The following NPEPPS variants were observed in gnomAD, a reference collection of about 807,000 sequenced individuals.
The protein encoded by NPEPPS is puromycin-sensitive aminopeptidase.
Under a neutral mutation model 115.5 loss-of-function variants are expected in NPEPPS, and 14 were observed. The observed-to-expected ratio is 0.12, with a 90% CI of 0.08 to 0.19. The LOEUF is 0.19. Ranked by LOEUF, NPEPPS falls within the 10% of genes least tolerant of loss-of-function variation. The pLI is 1.00. For synonymous variants in NPEPPS, 285 were observed against 390.6 expected (o/e 0.73, Z 3.19); for missense variants, 523 against 1,110.8 (o/e 0.47, Z 7.52).
chr17:47,568,882 T>C (rs903702827), intron 2 of NPEPPS, among the ~76,000 whole-genome samples: 4 of 150,496 alleles, frequency 2.7e-5, no homozygotes, highest in African/African-American at 9.7e-5. Flanking sequence ...CTTGAACTCC[T>C]GACCCCAGGT....
intron 2 of NPEPPS, among the ~76,000 whole-genome samples, chr17:47,563,654 T>A (rs1399498559): frequency 6.6e-6 from 1 of 151,828 alleles, no homozygotes; most frequent in Non-Finnish European, 1.5e-5. Flanking sequence ...CGCTGCAAGC[T>A]CCGCCTCCCG....
intron 15 of NPEPPS, among the ~76,000 whole-genome samples, chr17:47,602,137 C>T (rs1452339721): frequency 2.0e-5 from 3 of 152,146 alleles, no homozygotes; most frequent in Non-Finnish European, 2.9e-5. Flanking sequence ...ACATAATAAT[C>T]GGTTCGTGTC....
intron 1 of NPEPPS, among the ~76,000 whole-genome samples, chr17:47,538,893 G>A (rs949589497): frequency 1.3e-5 from 2 of 152,000 alleles, no homozygotes; most frequent in African/African-American, 4.8e-5. Context: ...GCTGCTTATT[G>A]TGCCTTGTTG....
At chr17:47,547,311 C>T (rs1212263319) in intron 2 of NPEPPS, among the ~76,000 whole-genome samples, 1 of 151,900 alleles carries the variant, frequency 6.6e-6, no homozygotes, top group Non-Finnish European at 1.5e-5. Flanking sequence ...TTGGCATAAA[C>T]TCTTACAAGT....
chr17:47,612,525 A>G lies in NPEPPS; in HGVS notation c.2161A>G (p.Thr721Ala), dbSNP rs1913935542. 2 of 1,614,030 alleles carry G rather than the reference A, an allele frequency of 1.2e-6. No homozygotes were observed. Among genetic ancestry groups the G allele is most frequent in the Non-Finnish European group, 1.7e-6 (2 of 1,179,884 alleles). Residue 721 changes from threonine (T) to alanine (A), a missense_variant, in exon 18 of 23, where the codon ACG becomes GCG. Thr to Ala is a moderately conservative substitution (Grantham distance 58). Transcript: ENST00000322157. ...ACTAGGAAAAGCAGGACATAAGGCA[A>G]CGTTAGAAGAAGCCCGTCGTCGGTT... ...GKLGKAGHKA[T>A]LEEARRRFKD...
intron 1 of NPEPPS, among the ~76,000 whole-genome samples, chr17:47,535,243 A>G (rs1395170991): frequency 6.0e-5 from 1 of 16,644 alleles, no homozygotes; most frequent in Non-Finnish European, 1.9e-4. Flanking sequence ...ACTCTGTCTC[A>G]AAAAAAAAAA....
At position 47,525,603 on chromosome 17, in the gene NPEPPS, A is replaced by C. The variant is rs547471129; in HGVS notation, c.77+2540A>C. 1.3e-3 allele frequency among the ~76,000 whole-genome samples: 198 copies of C among 152,236 alleles called. 1 individual carries two copies. The highest frequency in any genetic ancestry group is 1.9e-3 in the Non-Finnish European group (131 of 68,020). On this transcript the variant is annotated intron_variant, in intron 1 of 5. Transcript: ENST00000525007. ...GGTGAGCCGCCCACCTTGGCCTCCC[A>C]TAGTGCTGGGATTACAGGCGTGAGG...
chr17:47,531,943 G>A (rs964253902), intron 1 of NPEPPS, among the ~76,000 whole-genome samples: 3 of 152,220 alleles, frequency 2.0e-5, no homozygotes, highest in Non-Finnish European at 2.9e-5. Flanking sequence ...GGACGGAGAG[G>A]TCATGGGAGT....
At chr17:47,527,574 T>C (rs1459518205), upstream of NPEPPS, among the ~76,000 whole-genome samples, 1 of 151,840 alleles carries the variant, frequency 6.6e-6, no homozygotes, top group Non-Finnish European at 1.5e-5. Context: ...TATTATTATA[T>C]GGGCTGGGCG....
intron 1 of NPEPPS, among the ~76,000 whole-genome samples, chr17:47,523,612 G>C (rs1005511411): frequency 2.6e-5 from 4 of 151,722 alleles, no homozygotes; most frequent in African/African-American, 9.7e-5. Flanking sequence ...TAGTAGAAAT[G>C]GGGTTTCACC....
intron 2 of NPEPPS, among the ~76,000 whole-genome samples, chr17:47,563,311 C>T (rs1363533459): frequency 9.9e-5 from 15 of 152,070 alleles, no homozygotes; most frequent in Admixed American, 7.9e-4. Flanking sequence ...GGATTACAGG[C>T]GTGAGCCACC....
At chr17:47,598,398 C>T (rs1422287089) in intron 13 of NPEPPS, among the ~76,000 whole-genome samples, 2 of 152,132 alleles carry the variant, frequency 1.3e-5, no homozygotes, top group East Asian at 3.9e-4. Flanking sequence ...CGCTTGAGCA[C>T]AGGAGGTGTG....
chr17:47,611,226 G>A (rs1597890941), intron 17 of NPEPPS, among the ~76,000 whole-genome samples: 1 of 151,730 alleles, frequency 6.6e-6, no homozygotes, highest in Non-Finnish European at 1.5e-5. Context: ...GTGGCAGGCC[G>A]AGGCAGGTGG....
intron 19 of NPEPPS, among the ~76,000 whole-genome samples, chr17:47,617,197 G>C (rs1914261936): frequency 6.6e-6 from 1 of 152,122 alleles, no homozygotes; most frequent in Admixed American, 6.6e-5. Flanking sequence ...TGTACATATA[G>C]TAGTAATTTT....
upstream of NPEPPS, among the ~76,000 whole-genome samples, chr17:47,529,708 C>T (rs1159178235): frequency 8.4e-5 from 7 of 83,534 alleles, no homozygotes; most frequent in African/African-American, 2.7e-4. Flanking sequence ...TGGCCCTGGC[C>T]CCCCTTTTTA....
chr17:47,576,643 A>G (rs1911541777), intron 3 of NPEPPS, among the ~76,000 whole-genome samples: 1 of 152,140 alleles, frequency 6.6e-6, no homozygotes, highest in Admixed American at 6.5e-5. Context: ...TACAATTGTT[A>G]TACTCTCCTA....
intron 2 of NPEPPS, among the ~76,000 whole-genome samples, chr17:47,553,643 A>G (rs1166366461): frequency 2.6e-5 from 4 of 152,212 alleles, no homozygotes; most frequent in African/African-American, 9.7e-5. Context: ...TACTATGATA[A>G]AGTTTAATTT....
chr17:47,528,892 T>A (rs896872228), upstream of NPEPPS, among the ~76,000 whole-genome samples: 1 of 152,018 alleles, frequency 6.6e-6, no homozygotes, highest in Non-Finnish European at 1.5e-5. Flanking sequence ...TGCCTTGGCC[T>A]CCCAAAGTGC....
At position 47,621,981 on chromosome 17, in the gene NPEPPS, C is replaced by A. The variant is rs111492806; in HGVS notation, c.*61C>A. On this transcript the variant is annotated 3_prime_UTR_variant, in exon 23 of 23. Coordinates refer to ENST00000322157, the MANE Select transcript of NPEPPS (RefSeq NM_006310.4). ...CGCTGCAGGGATAAGGTGGAGCTAC[C>A]GAACAGCTGATTCATATGCCAAGAA... 6.7e-7 allele frequency: 1 copy of A among 1,483,008 alleles called. No individual in the cohort carries two copies. The highest frequency in any genetic ancestry group is 1.3e-5 in the South Asian group (1 of 75,106). 91.9% of individuals were successfully genotyped at this position (1,483,008 alleles called of 1,614,324 possible).
Sources: allele counts gnomAD v4.1 joint callset (sites outside exome capture counted in the v4.1 genomes callset), GRCh38; gene constraint gnomAD v4.1.1; transcripts MANE v1.5; gene names NCBI Gene and HGNC (gene_info 2026-07-23, HGNC 2026-07-21).